The following RHEB variants were observed in gnomAD, a reference collection of about 807,000 sequenced individuals.
RHEB encodes the protein Ras homolog, mTORC1 binding, also known as GTP-binding protein Rheb.
Under a neutral mutation model 28.8 loss-of-function variants are expected in RHEB, and 2 were observed. The ratio of observed to expected loss-of-function variants is 0.07; its 90% CI spans 0.03 to 0.22. RHEB has a LOEUF of 0.22. Among genes scored for constraint, RHEB ranks in the 10% least tolerant of loss-of-function variants. The probability of loss-of-function intolerance (pLI) is 1.00; values close to 1 mark genes in which losing one functional copy is unlikely to be tolerated. For missense variants in RHEB, 76 were observed against 219.9 expected, an observed-to-expected ratio of 0.35 and a Z score of 4.14; for synonymous variants, 69 against 77.3, an observed-to-expected ratio of 0.89 and a Z score of 0.56.
intron 1 of RHEB, among the ~76,000 whole-genome samples, chr7:151,513,176 T>C (rs913942230): frequency 2.6e-5 from 4 of 152,352 alleles, no homozygotes; most frequent in Non-Finnish European, 4.4e-5. Flanking sequence ...TGAAGTATGA[T>C]GGTTGTTTCC....
chr7:151,514,983 G>A (rs542938559), intron 1 of RHEB, among the ~76,000 whole-genome samples: 1 of 151,642 alleles, frequency 6.6e-6, no homozygotes, highest in East Asian at 1.9e-4. Flanking sequence ...ACACTGCAGT[G>A]AGCCATGATA....
rs1802189902 is a variant in RHEB at position 151,472,983 on chromosome 7, A to G, written c.276-1378T>C. The stretch of plus-strand genomic sequence containing the variant: ...AAAGTGTCGCCACTTGGGCAAAAAT[A>G]CAGTACCCTGTCACGTGAGAAACAG... On this transcript the variant is annotated intron_variant, in intron 4 of 7. Transcript: ENST00000262187. This position sits in a 1 kb window ranked among gnomAD's most constrained non-coding sequence, Gnocchi z 5.2. Among the ~76,000 whole-genome samples, 2 of 152,200 alleles carry G rather than the reference A, an allele frequency of 1.3e-5. No homozygotes were observed. The highest frequency in any genetic ancestry group is 4.1e-4 in the South Asian group (2 of 4,834).
chr7:151,470,586 A>G lies in RHEB; in HGVS notation c.447T>C (p.Ser149=), dbSNP rs1802144376. The G allele has an allele frequency of 1.2e-6, 2 of 1,611,182 alleles. No homozygotes were observed. Among genetic ancestry groups the G allele is most frequent in the South Asian group, 1.1e-5 (1 of 90,984 alleles). Residue 149 remains serine (S), a synonymous_variant, in exon 7 of 8, where the codon TCT becomes TCC. Transcript: ENST00000262187. ...ESWNAAFLES[S]AKENQTAVDV... Reference sequence around the variant, plus strand: ...AATCTGTTACCTGATTTTCTTTAGCAGAAGATTCCAAAAAAGCTGCATTCC... The same window carrying G: ...AATCTGTTACCTGATTTTCTTTAGCGGAAGATTCCAAAAAAGCTGCATTCC...
chr7:151,493,789 G>A (rs185825503), intron 1 of RHEB, among the ~76,000 whole-genome samples: 10 of 152,278 alleles, frequency 6.6e-5, no homozygotes, highest in African/African-American at 2.4e-4. Context: ...ATGCTAGCCT[G>A]TAAAGGAGAA....
At chr7:151,506,510 T>C (rs559060634) in intron 1 of RHEB, among the ~76,000 whole-genome samples, 68 of 152,318 alleles carry the variant, frequency 4.5e-4, no homozygotes, top group African/African-American at 1.5e-3. Context: ...ATACCAAACA[T>C]CTGGCATGTA....
At chr7:151,467,255 G>C (rs1179780432) in intron 7 of RHEB, 44 bp from the exon 8 acceptor site, 5 of 1,420,368 alleles carry the variant, frequency 3.5e-6, no homozygotes, top group South Asian at 1.2e-5. Context: ...GTGTGAAGCC[G>C]AACTCCGAGA....
At position 151,472,056 on chromosome 7, in the gene RHEB, C is replaced by T. The variant is rs573590852; in HGVS notation, c.276-451G>A. ...TTCAATCAGATCAATGAGCCGATGACTCTAGGATGGAGGTGGCTCTCACCG... is the reference window on the plus strand; with the variant it reads ...TTCAATCAGATCAATGAGCCGATGATTCTAGGATGGAGGTGGCTCTCACCG... On this transcript the variant is annotated intron_variant, in intron 4 of 7. Transcript: ENST00000262187. This position sits in a 1 kb window ranked among gnomAD's most constrained non-coding sequence, Gnocchi z 5.2. The T allele has an allele frequency of 5.0e-4, 78 of 155,372 alleles. No individual in the cohort carries two copies. Among genetic ancestry groups the T allele is most frequent in the Non-Finnish European group, 5.0e-4 (35 of 70,398 alleles). The allele number at this position is 155,372 out of a possible 1,614,324, so 9.6% of individuals were successfully genotyped here.
At position 151,518,589 on chromosome 7, in the gene RHEB, C is replaced by G. The variant is rs369754777; in HGVS notation, c.52+871G>C. On this transcript the variant is annotated intron_variant, in intron 1 of 7. Transcript: ENST00000262187. ...TCTGGTTTCACACAGGCCAGAAAAC[C>G]GCTCGTTCTGTAACACCCCGTCCGC... Among the ~76,000 whole-genome samples, 43 of 152,266 alleles carry G rather than the reference C, an allele frequency of 2.8e-4. No homozygotes were observed. In the East Asian group the frequency reaches 6.2e-3, roughly 22 times the overall value.
chr7:151,479,494 A>C (rs543660565), intron 3 of RHEB, among the ~76,000 whole-genome samples: 2 of 152,206 alleles, frequency 1.3e-5, no homozygotes, highest in East Asian at 3.9e-4. Context: ...CATCCTGGCT[A>C]ACACAGTGAA....
intron 1 of RHEB, chr7:151,517,997 AG>A (rs1273942722): frequency 6.6e-6 from 1 of 151,928 alleles, no homozygotes; most frequent in Non-Finnish European, 1.5e-5. Context: ...GCATGGATTC[AG>A]GCTGCCAATA....
intron 1 of RHEB, chr7:151,498,136 T>G: frequency 1.6e-6 from 2 of 1,289,604 alleles, no homozygotes; most frequent in African/African-American, 1.5e-5. Context: ...CCTGCAGAAC[T>G]ATAACACCAC....
intron 1 of RHEB, among the ~76,000 whole-genome samples, chr7:151,506,721 C>T (rs1164398446): frequency 6.6e-6 from 1 of 152,190 alleles, no homozygotes; most frequent in Non-Finnish European, 1.5e-5. Context: ...ACATATACCC[C>T]TAAAGCAGAA....
chr7:151,497,018 G>A lies in RHEB; in HGVS notation c.53-6004C>T, dbSNP rs1802686483. On this transcript the variant is annotated intron_variant, in intron 1 of 7. Transcript: ENST00000262187. ...GTTAGCCAGGATGGTCTCGATCCCT[G>A]GTCTTGTGATCTGCCTGCCTCAGCC... 2.0e-5 allele frequency among the ~76,000 whole-genome samples: 3 copies of A among 149,340 alleles called. No individual in the cohort carries two copies. In the South Asian group the frequency reaches 6.4e-4, roughly 32 times the overall value.
At chr7:151,510,434 A>G (rs1434138537) in intron 1 of RHEB, among the ~76,000 whole-genome samples, 1 of 152,248 alleles carries the variant, frequency 6.6e-6, no homozygotes, top group Non-Finnish European at 1.5e-5. Context: ...AAATAGGTGT[A>G]ACAACTGCAC....
At chr7:151,508,864 A>C (rs1206953832) in intron 1 of RHEB, among the ~76,000 whole-genome samples, 1 of 152,146 alleles carries the variant, frequency 6.6e-6, no homozygotes, top group Non-Finnish European at 1.5e-5. Context: ...GTATAAATTT[A>C]GCTCCCTAAA....
intron 4 of RHEB, among the ~76,000 whole-genome samples, chr7:151,476,253 G>T (rs566975666): frequency 6.6e-6 from 1 of 152,360 alleles, no homozygotes; most frequent in Admixed American, 6.5e-5. Flanking sequence ...TGGCAGTGGA[G>T]TATGTGGGGG....
intron 2 of RHEB, among the ~76,000 whole-genome samples, chr7:151,486,307 A>AT (rs1554438166): frequency 2.0e-5 from 3 of 152,158 alleles, no homozygotes; most frequent in Non-Finnish European, 4.4e-5. Context: ...GAAAGGAAAC[A>AT]TCATTCATTC....
intron 1 of RHEB, among the ~76,000 whole-genome samples, chr7:151,508,673 TAG>T (rs1802931158): frequency 6.6e-6 from 1 of 151,338 alleles, no homozygotes; most frequent in African/African-American, 2.4e-5. Context: ...CCCACTTTTG[TAG>T]AGACAGGGTT....
chr7:151,489,593 G>T (rs944505571), intron 2 of RHEB, among the ~76,000 whole-genome samples: 1 of 152,212 alleles, frequency 6.6e-6, no homozygotes, highest in Non-Finnish European at 1.5e-5. Flanking sequence ...TAAAGGGCCA[G>T]ACAGTACCAG....
Sources: gnomAD v4.1 joint callset for allele counts (sites outside exome capture counted in the v4.1 genomes callset) on GRCh38, gnomAD v4.1.1 for gene constraint, Gnocchi (gnomAD v3.1) non-coding constraint, MANE v1.5 for transcripts, NCBI Gene and HGNC (gene_info 2026-07-23, HGNC 2026-07-21) for gene names.